Variants in FKBP9 observed in about 807,000 individuals in gnomAD.
FKBP9 encodes FKBP prolyl isomerase 9, also known as peptidyl-prolyl cis-trans isomerase FKBP9.
FKBP9 carries 27 observed loss-of-function variants against 55.6 expected under a neutral mutation model. The observed-to-expected ratio is 0.49, with a 90% CI of 0.36 to 0.67. The LOEUF is 0.67. Ranked by LOEUF, FKBP9 falls within the 30% of genes least tolerant of loss-of-function variation. FKBP9 has a pLI of 0.00. For synonymous variants in FKBP9, 267 were observed against 296.5 expected (o/e 0.90, Z 1.02); for missense variants, 539 against 742.8 (o/e 0.73, Z 3.19).
chr7:32,985,364 G>A (rs1363155948), intron 5 of FKBP9, among the ~76,000 whole-genome samples: 1 of 151,492 alleles, frequency 6.6e-6, no homozygotes, highest in Non-Finnish European at 1.5e-5. Flanking sequence ...ATTTTTAGTA[G>A]AGATGGGGTT....
chr7:32,957,719 G>A lies in FKBP9; in HGVS notation c.146G>A (p.Arg49His). 2 of 1,529,230 alleles carry A rather than the reference G, an allele frequency of 1.3e-6. No individual in the cohort carries two copies. The highest frequency in any genetic ancestry group is 1.2e-5 in the South Asian group (1 of 82,866). The allele number at this position is 1,529,230 out of a possible 1,614,324, so 94.7% of individuals were successfully genotyped here. A position where few individuals can be genotyped will look rare whatever the true frequency, so the allele number is the denominator to read the frequency against. ...ERRFVPDECP[R>H]TVRSGDFVRY... ...CGCTTCGTGCCCGACGAGTGCCCGC[G>A]CACCGTGCGCAGCGGCGACTTCGTG... Residue 49 changes from arginine (R) to histidine (H), a missense_variant, in exon 1 of 10, where the codon CGC becomes CAC. Physicochemically the swap from Arg to His is conservative, Grantham distance 29 (BLOSUM62 0). Coordinates refer to ENST00000242209, the MANE Select transcript of FKBP9 (RefSeq NM_007270.5).
Position 32,998,822 on chromosome 7 carries a change from C to T in FKBP9, c.1227-1293C>T, listed in dbSNP as rs3763475. Among the ~76,000 whole-genome samples the T allele has an allele frequency of 0.01, 1,592 of 152,022 alleles. 92 individuals are homozygous for T. In the East Asian group the frequency reaches 0.16, roughly 15 times the overall value. The stretch of plus-strand genomic sequence containing the variant: ...GGAAGCATGCAGGGGGAGTGAGGAC[C>T]GTGTTTGAGAGAAACACTGCCCAAG... On this transcript the variant is annotated intron_variant, in intron 7 of 9. Coordinates refer to ENST00000242209, the MANE Select transcript of FKBP9 (RefSeq NM_007270.5).
At chr7:32,983,115 G>A (rs766992345) in intron 5 of FKBP9, among the ~76,000 whole-genome samples, 58 of 151,582 alleles carry the variant, frequency 3.8e-4, no homozygotes, top group East Asian at 3.9e-4. Flanking sequence ...CCTCCGTCTC[G>A]TGGGTTCAAG....
chr7:32,991,866 A>G (rs531110833), intron 6 of FKBP9, among the ~76,000 whole-genome samples: 42 of 151,972 alleles, frequency 2.8e-4, no homozygotes, highest in Admixed American at 2.8e-3. Context: ...CCTTTTAGGA[A>G]AGAGAGGAAA....
chr7:32,957,601 C>T lies in FKBP9; in HGVS notation c.28C>T (p.Pro10Ser). The T allele has an allele frequency of 6.8e-7, 1 of 1,475,454 alleles. No individual in the cohort carries two copies. The highest frequency in any genetic ancestry group is 8.9e-7 in the Non-Finnish European group (1 of 1,122,194). 91.4% of individuals were successfully genotyped at this position (1,475,454 alleles called of 1,614,324 possible). A position where few individuals can be genotyped will look rare whatever the true frequency, so the allele number is the denominator to read the frequency against. The part of the protein sequence containing the change: MAFRGWRPP[P>S]PPLLLLLLWV... ...GGCGTTCCGGGGCTGGAGGCCCCCG[C>T]CGCCACCGCTGCTCCTGCTGCTGCT... Residue 10 changes from proline (P) to serine (S), a missense_variant, in exon 1 of 10, where the codon CCG becomes TCG. By Grantham distance (74) the Pro-to-Ser change is moderately conservative (BLOSUM62 -1). Transcript: ENST00000242209.
At chr7:32,992,564 A>G (rs1784706468) in intron 6 of FKBP9, among the ~76,000 whole-genome samples, 1 of 152,180 alleles carries the variant, frequency 6.6e-6, no homozygotes, top group Non-Finnish European at 1.5e-5. Context: ...ACGTTGGACT[A>G]TTTCTGCCCG....
chr7:32,997,751 C>A (rs1404656423), intron 7 of FKBP9, among the ~76,000 whole-genome samples: 1 of 152,144 alleles, frequency 6.6e-6, no homozygotes, highest in African/African-American at 2.4e-5. Context: ...TCTCTTGAAT[C>A]TGGGAGGTAG....
chr7:32,957,834 C>T, intron 1 of FKBP9, 40 bp downstream of exon 1: 2 of 1,367,002 alleles, frequency 1.5e-6, no homozygotes, highest in African/African-American at 3.0e-5. Flanking sequence ...TCAGCGGATG[C>T]GCGTCCCTCT....
At position 32,974,722 on chromosome 7, in the gene FKBP9, G is replaced by A. The variant is rs2127980352; in HGVS notation, c.327G>A (p.Val109=). ...TGTGCGTAAACGAGAGACGTTTCGT[G>A]AAGATTCCCCCAAAGCTTGCCTACG... The part of the protein sequence containing the change: ...VGMCVNERRF[V]KIPPKLAYGN... The change falls in exon 2 of 10, where the codon GTG becomes GTA. Residue 109 remains valine, a synonymous_variant. Transcript: ENST00000242209. 6.2e-7 allele frequency: 1 copy of A among 1,613,926 alleles called. No individual in the cohort carries two copies. The highest frequency in any genetic ancestry group is 2.2e-5 in the East Asian group (1 of 44,882).
intron 1 of FKBP9, among the ~76,000 whole-genome samples, 155 bp downstream of exon 1, chr7:32,957,949 T>C (rs1012541154): frequency 6.6e-6 from 1 of 152,128 alleles, no homozygotes; most frequent in Non-Finnish European, 1.5e-5. Context: ...CCCCAGACCC[T>C]CCGCCGCGGG....
intron 5 of FKBP9, among the ~76,000 whole-genome samples, chr7:32,980,806 C>A (rs1266969798): frequency 6.6e-6 from 1 of 151,860 alleles, no homozygotes; most frequent in Non-Finnish European, 1.5e-5. Flanking sequence ...ATGATCGTGG[C>A]TTTCTGCAGC....
chr7:33,006,690 C>T lies in FKBP9; in HGVS notation c.*1339C>T, dbSNP rs1168744579. On this transcript the variant is annotated 3_prime_UTR_variant, in exon 10 of 10. Transcript: ENST00000242209. ...AAGACAGCAATGACAGTCCACCTGC[C>T]GACCTGATTCCTGCATCATGGAATA... is the stretch of plus-strand genomic sequence containing the variant. The T allele has an allele frequency of 1.9e-5, 4 of 216,198 alleles. No homozygotes were observed. The highest frequency in any genetic ancestry group is 1.3e-4 in the East Asian group (2 of 14,848). The allele number at this position is 216,198 out of a possible 1,614,324, so 13.4% of individuals were successfully genotyped here. A position where few individuals can be genotyped will look rare whatever the true frequency, so the allele number is the denominator to read the frequency against.
chr7:32,989,731 T>G (rs1182143627), intron 6 of FKBP9, among the ~76,000 whole-genome samples: 1 of 152,148 alleles, frequency 6.6e-6, no homozygotes, highest in Non-Finnish European at 1.5e-5. Context: ...AAACAAATAT[T>G]GTTAATCTTA....
intron 1 of FKBP9, among the ~76,000 whole-genome samples, chr7:32,965,672 C>T (rs1488058726): frequency 6.7e-6 from 1 of 148,954 alleles, no homozygotes; most frequent in East Asian, 2.0e-4. Flanking sequence ...GTGGCGTGCA[C>T]CTGTAATCCC....
chr7:32,957,724 G>A lies in FKBP9; in HGVS notation c.151G>A (p.Val51Met). ...CGTGCCCGACGAGTGCCCGCGCACC[G>A]TGCGCAGCGGCGACTTCGTGCGCTA... ...RFVPDECPRT[V>M]RSGDFVRYHY... is the part of the protein sequence containing the mutation. The change falls in exon 1 of 10, where the codon GTG becomes ATG. Residue 51 changes from valine (V) to methionine (M), a missense_variant. Coordinates refer to ENST00000242209, the MANE Select transcript of FKBP9 (RefSeq NM_007270.5). 1.3e-6 allele frequency: 2 copies of A among 1,524,668 alleles called. No individual in the cohort carries two copies. The highest frequency in any genetic ancestry group is 2.0e-5 in the Admixed American group (1 of 49,008). 94.4% of individuals were successfully genotyped at this position (1,524,668 alleles called of 1,614,324 possible).
At chr7:32,964,338 A>T (rs1414850535) in intron 1 of FKBP9, among the ~76,000 whole-genome samples, 1 of 152,168 alleles carries the variant, frequency 6.6e-6, no homozygotes, top group East Asian at 1.9e-4. Flanking sequence ...GCTGTATGGT[A>T]TTTTACTGGG....
intron 1 of FKBP9, chr7:32,963,563 G>C: frequency 7.9e-7 from 1 of 1,266,254 alleles, no homozygotes; most frequent in Non-Finnish European, 1.0e-6. Flanking sequence ...TACAGCGGAG[G>C]ATAAAGCTGA....
chr7:32,969,407 T>C (rs1784212090), intron 1 of FKBP9, among the ~76,000 whole-genome samples: 1 of 152,232 alleles, frequency 6.6e-6, no homozygotes, highest in South Asian at 2.1e-4. Flanking sequence ...TTTCCTATGG[T>C]ATAAAGTAAG....
chr7:33,002,234 A>G (rs1284078685), intron 8 of FKBP9, among the ~76,000 whole-genome samples: 2 of 152,014 alleles, frequency 1.3e-5, no homozygotes, highest in Admixed American at 1.3e-4. Flanking sequence ...CCCTGGTTCA[A>G]GCAATTCTCA....
Sources: allele counts gnomAD v4.1 joint callset (sites outside exome capture counted in the v4.1 genomes callset), GRCh38; gene constraint gnomAD v4.1.1; transcripts MANE v1.5; gene names NCBI Gene and HGNC (gene_info 2026-07-23, HGNC 2026-07-21).